The following LOXHD1 variants were observed in gnomAD, a reference collection of about 807,000 sequenced individuals.
The protein encoded by LOXHD1 is lipoxygenase homology PLAT domains 1.
Under a neutral mutation model 248.2 loss-of-function variants are expected in LOXHD1, and 205 were observed. The ratio of observed to expected loss-of-function variants is 0.83; its 90% confidence interval spans 0.74 to 0.93. The LOEUF (loss-of-function observed/expected upper bound fraction) is 0.93, where lower values mean the gene tolerates loss of function less well. Among genes scored for constraint, LOXHD1 ranks in the 40% least tolerant of loss-of-function variants. The pLI is 0.00. For synonymous variants in LOXHD1, 1,113 were observed against 1,162.8 expected, an observed-to-expected ratio of 0.96 and a Z score of 0.87; for missense variants, 2,930 against 2,971.6, an observed-to-expected ratio of 0.99 and a Z score of 0.33.
At chr18:46,510,056 G>C (rs140989756) in intron 34 of LOXHD1, among the ~76,000 whole-genome samples, 1 of 152,310 alleles carries the variant, frequency 6.6e-6, no homozygotes, top group East Asian at 1.9e-4. Flanking sequence ...TCAGTGCTGG[G>C]TTCTAATCTC....
In LOXHD1 at chr18:46,559,492, G is replaced by T. The variant is rs1216851069; in HGVS notation, c.3172C>A (p.Pro1058Thr). Reference sequence around the variant, plus strand: ...TTGGACTTGTCTGACTTCTTCAGGGGTCGTTCGCCCGTGTCTCCATACTCC... The same window carrying T: ...TTGGACTTGTCTGACTTCTTCAGGGTTCGTTCGCCCGTGTCTCCATACTCC... ...GEEYGDTGER[P>T]LKKSDKSNKF... The change falls in exon 20 of 41, where the codon CCC becomes ACC. Residue 1058 changes from proline to threonine, a missense_variant. Transcript: ENST00000642948. The T allele has an allele frequency of 1.2e-5, 18 of 1,551,974 alleles. No individual in the cohort carries two copies. In the East Asian group the frequency reaches 2.9e-4, roughly 25 times the overall value.
intron 23 of LOXHD1, among the ~76,000 whole-genome samples, chr18:46,544,220 C>T (rs79045051): frequency 0.032 from 4,902 of 152,284 alleles, 136 homozygotes; most frequent in South Asian, 0.13. Flanking sequence ...CTGCCACTTA[C>T]CACTGGGTGG....
At chr18:46,652,244 G>A (rs376831139) in intron 1 of LOXHD1, among the ~76,000 whole-genome samples, 30 of 152,236 alleles carry the variant, frequency 2.0e-4, no homozygotes, top group African/African-American at 6.7e-4. Flanking sequence ...GGACTGACTG[G>A]GAAGGAACAC....
At position 46,529,517 on chromosome 18, in the gene LOXHD1, G is replaced by A. The variant is rs78260214; in HGVS notation, c.4376-186C>T. ...CAAATCCATGTGGATTCTCCAGTGG[G>A]AACTGTGCTCATCTGATCTAGACCC... On this transcript the variant is annotated intron_variant, in intron 28 of 40. Coordinates refer to ENST00000642948, the MANE Select transcript of LOXHD1 (RefSeq NM_001384474.1). Among the ~76,000 whole-genome samples, 19,926 of 152,164 alleles carry A rather than the reference G, an allele frequency of 0.13. 1,432 individuals are homozygous for A. Among genetic ancestry groups the A allele is most frequent in the South Asian group, 0.23 (1,106 of 4,822 alleles).
chr18:46,477,471 C>G lies in LOXHD1; in HGVS notation c.*1G>C. The stretch of plus-strand genomic sequence containing the variant: ...AGTGAGAGGGTGGGGGCCCTAGCCC[C>G]TCAGACAGAAGGGAAGAGGTCTCTC... On this transcript the variant is annotated 3_prime_UTR_variant, in exon 41 of 41. Transcript: ENST00000642948. The G allele has an allele frequency of 6.5e-7, 1 of 1,544,470 alleles. No individual in the cohort carries two copies. The highest frequency in any genetic ancestry group is 1.2e-5 in the South Asian group (1 of 83,896).
chr18:46,602,255 G>A (rs1295032060), intron 7 of LOXHD1, among the ~76,000 whole-genome samples: 1 of 152,054 alleles, frequency 6.6e-6, no homozygotes, highest in Admixed American at 6.5e-5. Flanking sequence ...ACCCAGGCTG[G>A]AATCTAGTGG....
At position 46,594,444 on chromosome 18, in the gene LOXHD1, G is replaced by C. The variant is rs1011878481; in HGVS notation, c.1157C>G (p.Thr386Ser). The C allele has an allele frequency of 6.4e-7, 1 of 1,551,512 alleles. No individual in the cohort carries two copies. Among genetic ancestry groups the C allele is most frequent in the African/African-American group, 1.4e-5 (1 of 73,034 alleles). Residue 386 changes from threonine (T) to serine (S), a missense_variant, in exon 9 of 41, where the codon ACT becomes AGT. Coordinates refer to ENST00000642948, the MANE Select transcript of LOXHD1 (RefSeq NM_001384474.1). ...ACAAGGGAAGGTCTGCTGGATACCA[G>C]TGAAGGGGCACAGAATCACCACCTG... ...CEKVVILCPF[T>S]GIQQTFPCSN...
intron 37 of LOXHD1, among the ~76,000 whole-genome samples, chr18:46,502,060 C>T (rs989865173): frequency 2.0e-5 from 3 of 152,130 alleles, no homozygotes; most frequent in Non-Finnish European, 2.9e-5. Context: ...TAGAAATTTG[C>T]TAGAGAGAAA....
At chr18:46,623,552 C>G (rs1423439766) in intron 4 of LOXHD1, among the ~76,000 whole-genome samples, 1 of 152,226 alleles carries the variant, frequency 6.6e-6, no homozygotes. Context: ...TGTCTGTGCC[C>G]CCCTTGCCCT....
chr18:46,517,968 T>C (rs1388454470), intron 34 of LOXHD1, among the ~76,000 whole-genome samples, 161 bp downstream of exon 34: 1 of 152,016 alleles, frequency 6.6e-6, no homozygotes. Flanking sequence ...AGCTGGCCCT[T>C]GAAAGAGAAA....
intron 2 of LOXHD1, among the ~76,000 whole-genome samples, chr18:46,645,443 C>T (rs2039017127): frequency 6.6e-6 from 1 of 152,236 alleles, no homozygotes; most frequent in Admixed American, 6.5e-5. Flanking sequence ...CATTCTCTGA[C>T]ACACTCAGAT....
chr18:46,535,841 C>G (rs892809660), intron 26 of LOXHD1, among the ~76,000 whole-genome samples: 1 of 152,100 alleles, frequency 6.6e-6, no homozygotes, highest in Non-Finnish European at 1.5e-5. Context: ...AAAGTGCTGG[C>G]ATTACAGGCG....
intron 1 of LOXHD1, among the ~76,000 whole-genome samples, chr18:46,650,539 T>C (rs986821875): frequency 6.6e-6 from 1 of 152,188 alleles, no homozygotes; most frequent in Non-Finnish European, 1.5e-5. Flanking sequence ...TATTTCTACT[T>C]CCGGTCTTTT....
chr18:46,560,048 T>TGCCGGGC, intron 19 of LOXHD1, 35 bp downstream of exon 19: 13 of 1,226,298 alleles, frequency 1.1e-5, no homozygotes, highest in South Asian at 1.5e-5. Flanking sequence ...GTCTGGCCAC[T>TGCCGGGC]CCCTCCCCAC....
chr18:46,634,362 T>TG (rs1397792854), intron 4 of LOXHD1, among the ~76,000 whole-genome samples: 1 of 152,204 alleles, frequency 6.6e-6, no homozygotes, highest in Non-Finnish European at 1.5e-5. Flanking sequence ...CTTGTACAGT[T>TG]GGGTATCCCT....
chr18:46,543,497 C>A (rs1193034041), intron 23 of LOXHD1, among the ~76,000 whole-genome samples: 4 of 151,952 alleles, frequency 2.6e-5, no homozygotes, highest in Non-Finnish European at 5.9e-5. Flanking sequence ...ATACATGTGC[C>A]ATGGTGGCTT....
chr18:46,542,396 C>A (rs1216862879), intron 24 of LOXHD1, among the ~76,000 whole-genome samples: 1 of 152,158 alleles, frequency 6.6e-6, no homozygotes, highest in African/African-American at 2.4e-5. Context: ...GAGTTAATAA[C>A]CCCCCAGGTG....
chr18:46,619,846 T>C (rs981185412), intron 4 of LOXHD1, among the ~76,000 whole-genome samples: 2 of 152,136 alleles, frequency 1.3e-5, no homozygotes, highest in African/African-American at 4.8e-5. Flanking sequence ...AACCCATCAA[T>C]GGGGTAGGGA....
chr18:46,645,492 C>T (rs1192297447), intron 2 of LOXHD1, among the ~76,000 whole-genome samples: 1 of 152,206 alleles, frequency 6.6e-6, no homozygotes, highest in Middle Eastern at 3.2e-3. Context: ...CCAGACGATA[C>T]ATGAGATCCC....
Sources: gnomAD v4.1 joint callset for allele counts (sites outside exome capture counted in the v4.1 genomes callset) on GRCh38, gnomAD v4.1.1 for gene constraint, MANE v1.5 for transcripts, NCBI Gene and HGNC (gene_info 2026-07-23, HGNC 2026-07-21) for gene names.